Variants in NEBL observed in about 807,000 individuals in gnomAD.
NEBL encodes LIM and SH3 protein 2.
Under a neutral mutation model 140.2 loss-of-function variants are expected in NEBL, and 122 were observed. The observed-to-expected ratio is 0.87, with a 90% confidence interval of 0.75 to 1.01. The LOEUF (loss-of-function observed/expected upper bound fraction) is 1.01, where lower values mean the gene tolerates loss of function less well. Among genes scored for constraint, NEBL ranks in the 50% least tolerant of loss-of-function variants. NEBL has a pLI of 0.00. For missense variants in NEBL, 1,365 were observed against 1,231.3 expected, an observed-to-expected ratio of 1.11 and a Z score of -1.62; for synonymous variants, 436 against 398.9, an observed-to-expected ratio of 1.09 and a Z score of -1.11.
intron 4 of NEBL, among the ~76,000 whole-genome samples, chr10:20,942,169 C>T (rs1464036347): frequency 1.2e-4 from 19 of 152,248 alleles, no homozygotes; most frequent in East Asian, 3.9e-4. Flanking sequence ...GGAGGCATCA[C>T]GCTACCTGAC....
chr10:21,035,939 G>A (rs536633789), intron 2 of NEBL, among the ~76,000 whole-genome samples: 1 of 152,226 alleles, frequency 6.6e-6, no homozygotes, highest in South Asian at 2.1e-4. Flanking sequence ...GAGGTGAGCG[G>A]ATCACTTGAG....
chr10:20,931,951 G>A (rs1256165711), intron 4 of NEBL, among the ~76,000 whole-genome samples: 3 of 152,156 alleles, frequency 2.0e-5, no homozygotes, highest in Admixed American at 6.5e-5. Context: ...ATTCTTTCAT[G>A]TATTCCTTCC....
chr10:20,935,002 C>T (rs138264025), intron 4 of NEBL, among the ~76,000 whole-genome samples: 1 of 152,154 alleles, frequency 6.6e-6, no homozygotes, highest in Admixed American at 6.5e-5. Context: ...AAGTGCCACA[C>T]GATTTTATTT....
chr10:20,970,038 T>C (rs1381497242), intron 3 of NEBL, among the ~76,000 whole-genome samples: 1 of 152,220 alleles, frequency 6.6e-6, no homozygotes, highest in Admixed American at 6.5e-5. Context: ...TTTCCTCATA[T>C]ACAAAATATG....
intron 2 of NEBL, among the ~76,000 whole-genome samples, chr10:21,039,825 A>G (rs1046615779): frequency 2.0e-5 from 3 of 152,186 alleles, no homozygotes. Context: ...GACCCATCAA[A>G]TCAATGCCCT....
Position 21,097,219 on chromosome 10 carries a change from CGG to C in NEBL, c.164+75162_164+75163del, listed in dbSNP as rs11353377. Reference sequence around the variant, plus strand: ...TGTAATCCCAGCACTTTGGGAGGTCCGGGGGGGGGGTGGGGCAGATCACAAGG... The same window carrying C: ...TGTAATCCCAGCACTTTGGGAGGTCCGGGGGGGGTGGGGCAGATCACAAGG... On this transcript the variant is annotated intron_variant, in intron 2 of 6. Coordinates refer to the NEBL transcript ENST00000417816. Among the ~76,000 whole-genome samples, 100 of 87,116 alleles carry C rather than the reference CGG, an allele frequency of 1.1e-3. 5 individuals carry two copies. In the East Asian group the frequency reaches 0.03, roughly 26 times the overall value. The allele number at this position is 87,116 out of a possible 152,430, so 57.2% of individuals were successfully genotyped here. A position where few individuals can be genotyped will look rare whatever the true frequency, so the allele number is the denominator to read the frequency against.
chr10:21,270,368 A>AT lies in NEBL; in HGVS notation n.183-18541dup, dbSNP rs59338756. On this transcript the variant is annotated intron_variant and non_coding_transcript_variant, in intron 1 of 8. Transcript: ENST00000675702. ...GATAGAGTCTGAGACTATTTTCCAT[A>AT]TTTTTTTTTTTTTTTTGAGACAGAG... Among the ~76,000 whole-genome samples the AT allele has an allele frequency of 3.1e-3, 448 of 144,334 alleles. 4 individuals carry two copies. The highest frequency in any genetic ancestry group is 0.014 in the East Asian group (68 of 4,760). 94.7% of individuals were successfully genotyped at this position (144,334 alleles called of 152,430 possible). A position where few individuals can be genotyped will look rare whatever the true frequency, so the allele number is the denominator to read the frequency against.
At chr10:21,082,857 G>T (rs1024460220) in intron 2 of NEBL, among the ~76,000 whole-genome samples, 1 of 145,384 alleles carries the variant, frequency 6.9e-6, no homozygotes, top group African/African-American at 2.5e-5. Flanking sequence ...CCAGCTCTCA[G>T]GTTCAAGCAA....
chr10:20,925,243 A>G (rs1427187103), intron 4 of NEBL, among the ~76,000 whole-genome samples: 1 of 152,182 alleles, frequency 6.6e-6, no homozygotes, highest in Non-Finnish European at 1.5e-5. Flanking sequence ...ATGGAAATAT[A>G]CAATGCAATC....
At chr10:20,990,518 A>G (rs989335304) in intron 3 of NEBL, among the ~76,000 whole-genome samples, 1 of 152,140 alleles carries the variant, frequency 6.6e-6, no homozygotes, top group Admixed American at 6.5e-5. Context: ...CTCACCAGAC[A>G]CCAGATCTGC....
chr10:20,846,990 G>A (rs1208337926), intron 11 of NEBL, among the ~76,000 whole-genome samples: 1 of 152,074 alleles, frequency 6.6e-6, no homozygotes, highest in Non-Finnish European at 1.5e-5. Context: ...AAGAAAGTAT[G>A]ATAAACTTAA....
At chr10:21,217,416 G>A (rs1475509389) in intron 3 of NEBL, among the ~76,000 whole-genome samples, 1 of 152,190 alleles carries the variant, frequency 6.6e-6, no homozygotes, top group East Asian at 1.9e-4. Flanking sequence ...GGAGTGGGGA[G>A]CAGCAGCTAT....
At chr10:21,228,409 C>T (rs1842201444) in intron 3 of NEBL, among the ~76,000 whole-genome samples, 1 of 152,158 alleles carries the variant, frequency 6.6e-6, no homozygotes, top group African/African-American at 2.4e-5. Context: ...TCGCCTCAGC[C>T]TTCCAAAGTG....
chr10:20,806,434 C>T (rs1588646014), intron 26 of NEBL, among the ~76,000 whole-genome samples: 1 of 152,294 alleles, frequency 6.6e-6, no homozygotes, highest in East Asian at 1.9e-4. Context: ...TGCGTCTGTC[C>T]TATCAGAAAC....
chr10:20,861,067 T>A (rs1471743699), intron 7 of NEBL, among the ~76,000 whole-genome samples: 1 of 152,096 alleles, frequency 6.6e-6, no homozygotes, highest in African/African-American at 2.4e-5. Context: ...TGACTTTTTT[T>A]ATTATTTTGT....
At chr10:21,030,044 G>T (rs1449024617) in intron 2 of NEBL, 3 of 479,420 alleles carry the variant, frequency 6.3e-6, no homozygotes, top group South Asian at 2.0e-5. Flanking sequence ...TAAGGGAGAT[G>T]ATTCTTCTGC....
At chr10:21,042,371 G>C (rs1393616903) in intron 2 of NEBL, among the ~76,000 whole-genome samples, 1 of 152,194 alleles carries the variant, frequency 6.6e-6, no homozygotes, top group Non-Finnish European at 1.5e-5. Flanking sequence ...GCTCATGGGA[G>C]CTGACTGTGC....
chr10:20,879,263 A>T (rs1054112564), intron 5 of NEBL, among the ~76,000 whole-genome samples: 11 of 152,200 alleles, frequency 7.2e-5, no homozygotes, highest in Admixed American at 2.0e-4. Context: ...ACAAAATAAG[A>T]ATCAGTACAG....
chr10:20,987,201 T>C (rs930763911), intron 3 of NEBL, among the ~76,000 whole-genome samples: 3 of 152,026 alleles, frequency 2.0e-5, no homozygotes, highest in East Asian at 3.8e-4. Flanking sequence ...TTTTTTTTTT[T>C]CCTAAGACAT....
Sources: allele counts gnomAD v4.1 joint callset (sites outside exome capture counted in the v4.1 genomes callset), GRCh38; gene constraint gnomAD v4.1.1; transcripts MANE v1.5; gene names NCBI Gene and HGNC (gene_info 2026-07-23, HGNC 2026-07-21).